Variants in ERICH3 observed in about 807,000 individuals in gnomAD.
ERICH3 encodes glutamate rich 3, also known as glutamate-rich protein 3.
Under a neutral mutation model 131.1 loss-of-function variants are expected in ERICH3, and 126 were observed. The ratio of observed to expected loss-of-function variants is 0.96; its 90% confidence interval spans 0.83 to 1.11. The LOEUF is 1.11. Ranked by LOEUF, ERICH3 falls within the 50% of genes most tolerant of loss-of-function variation. ERICH3 has a pLI of 0.00. For missense variants in ERICH3, 2,050 were observed against 1,810.7 expected (o/e 1.13, Z -2.40); for synonymous variants, 695 against 644.6 (o/e 1.08, Z -1.18).
intron 5 of ERICH3, among the ~76,000 whole-genome samples, chr1:74,639,832 A>G (rs556563032): frequency 6.6e-6 from 1 of 152,322 alleles, no homozygotes; most frequent in Admixed American, 6.5e-5. Flanking sequence ...CAAGATCTCA[A>G]AAGGATTATT....
chr1:74,652,293 C>G (rs1218149628), intron 1 of ERICH3, among the ~76,000 whole-genome samples: 4 of 152,150 alleles, frequency 2.6e-5, no homozygotes, highest in Non-Finnish European at 5.9e-5. Flanking sequence ...GACCATCTTT[C>G]TGACCATCAA....
rs12082066 is a variant in ERICH3, at chr1:74,574,371, C to A, written c.2219-880G>T. Among the ~76,000 whole-genome samples the A allele has an allele frequency of 6.8e-3, 1,036 of 152,208 alleles. 10 individuals are homozygous for A. Among genetic ancestry groups the A allele is most frequent in the African/African-American group, 0.023 (962 of 41,510 alleles). The stretch of plus-strand genomic sequence containing the variant: ...TCACATGGGCCTTTAGCAACACAAT[C>A]ATTATACAGTGTGAACTGATGATTC... On this transcript the variant is annotated intron_variant, in intron 13 of 14. Transcript: ENST00000326665.
At chr1:74,653,361 CTG>C (rs1330029028) in intron 1 of ERICH3, among the ~76,000 whole-genome samples, 1 of 151,708 alleles carries the variant, frequency 6.6e-6, no homozygotes, top group Non-Finnish European at 1.5e-5. Flanking sequence ...TAGATACACA[CTG>C]TGTGTGCACG....
intron 11 of ERICH3, among the ~76,000 whole-genome samples, chr1:74,596,510 T>C (rs1647858320): frequency 6.6e-6 from 1 of 152,080 alleles, no homozygotes; most frequent in South Asian, 2.1e-4. Flanking sequence ...CTAGCTATTT[T>C]GAAATATATA....
At chr1:74,595,107 T>G (rs1176117202) in intron 11 of ERICH3, among the ~76,000 whole-genome samples, 1 of 152,158 alleles carries the variant, frequency 6.6e-6, no homozygotes, top group Non-Finnish European at 1.5e-5. Flanking sequence ...CTGCTCTTAA[T>G]TTCTTCAAAT....
chr1:74,604,686 A>C (rs1570854877), intron 10 of ERICH3, among the ~76,000 whole-genome samples: 1 of 151,958 alleles, frequency 6.6e-6, no homozygotes, highest in African/African-American at 2.4e-5. Context: ...TAAGATGTTG[A>C]AAGAAATCTT....
rs758297618 is a variant in ERICH3 at position 74,572,123 on chromosome 1, A to G, written c.3587T>C (p.Leu1196Pro). The G allele has an allele frequency of 1.2e-6, 2 of 1,614,142 alleles. No individual in the cohort carries two copies. The highest frequency in any genetic ancestry group is 1.3e-5 in the African/African-American group (1 of 75,046). ...CAGGGCCCTATTCTCCCTGCTGGAC[A>G]GCTCTTCTCTGTCTTTGTGCTCTGT... ...RDTEHKDREE[L>P]SSRENRALKE... The change falls in exon 14 of 15, where the codon CTG becomes CCG. Residue 1196 changes from leucine (L) to proline (P), a missense_variant. Transcript: ENST00000326665.
At chr1:74,621,051 C>T (rs1009623602) in intron 7 of ERICH3, 137 bp from the exon 8 acceptor site, 1 of 684,488 alleles carries the variant, frequency 1.5e-6, no homozygotes, top group Non-Finnish European at 2.2e-6. Context: ...TGTCAATTTA[C>T]AAATGCACAA....
chr1:74,664,998 C>T (rs562992617), intron 1 of ERICH3, among the ~76,000 whole-genome samples: 1 of 152,126 alleles, frequency 6.6e-6, no homozygotes, highest in East Asian at 1.9e-4. Flanking sequence ...TCTGTATCAC[C>T]CCAAAATTCA....
Position 74,624,112 on chromosome 1 carries a change from TC to T in ERICH3, c.820-3199del, listed in dbSNP as rs528322430. 16 of 152,316 alleles carry T rather than the reference TC, an allele frequency of 1.1e-4. No individual in the cohort carries two copies. The East Asian group carries it at 3.1e-3, about 29-fold the overall frequency. The allele number at this position is 152,316 out of a possible 1,614,324, so 9.4% of individuals were successfully genotyped here. ...ACACAGACATGGAACAATTAGGCATTCCATATTCTGTCCTTTCCATATTCTG... is the reference window on the plus strand; with the variant it reads ...ACACAGACATGGAACAATTAGGCATTCATATTCTGTCCTTTCCATATTCTG... On this transcript the variant is annotated intron_variant, in intron 7 of 14. Coordinates refer to ENST00000326665, the MANE Select transcript of ERICH3 (RefSeq NM_001002912.5).
At chr1:74,665,252 C>T (rs1646679457) in intron 1 of ERICH3, among the ~76,000 whole-genome samples, 1 of 152,000 alleles carries the variant, frequency 6.6e-6, no homozygotes, top group South Asian at 2.1e-4. Context: ...AGAGCAGGCC[C>T]TCACCAGACC....
rs565596519 is a variant in ERICH3, at chr1:74,586,589, T to A, written c.2176+3042A>T. On this transcript the variant is annotated intron_variant, in intron 12 of 14. Coordinates refer to ENST00000326665, the MANE Select transcript of ERICH3 (RefSeq NM_001002912.5). ...ATCTATAACTTTTGAACAAAAATTA[T>A]ACTTATTGAAATTTATCTTAAGAAA... The A allele has an allele frequency of 1.8e-4, 128 of 714,080 alleles. 2 individuals carry two copies. The South Asian group carries it at 7.5e-3, about 42-fold the overall frequency. 44.2% of individuals were successfully genotyped at this position (714,080 alleles called of 1,614,324 possible).
chr1:74,648,426 T>C (rs1646503549), intron 2 of ERICH3, among the ~76,000 whole-genome samples: 1 of 152,154 alleles, frequency 6.6e-6, no homozygotes, highest in Non-Finnish European at 1.5e-5. Context: ...CAAGATTCTA[T>C]GGCTTATAAA....
Position 74,573,459 on chromosome 1 carries a change from C to A in ERICH3, c.2251G>T (p.Ala751Ser). 1.3e-6 allele frequency: 2 copies of A among 1,532,254 alleles called. No homozygotes were observed. The allele number at this position is 1,532,254 out of a possible 1,614,324, so 94.9% of individuals were successfully genotyped here. ...GATTCCTTGTTTGAGTTGATTGCTG[C>A]TGTTTCATCCACCATGAAATTCATT... ...PTMNFMVDETAAINSNKESQQ... is the reference protein window; with the variant it reads ...PTMNFMVDETSAINSNKESQQ... Residue 751 changes from alanine (A) to serine (S), a missense_variant, in exon 14 of 15, where the codon GCA (alanine) becomes TCA (serine). Ala to Ser is a moderately conservative substitution (Grantham distance 99). Transcript: ENST00000326665.
intron 9 of ERICH3, among the ~76,000 whole-genome samples, chr1:74,611,878 T>A (rs1648713001): frequency 6.6e-6 from 1 of 152,234 alleles, no homozygotes; most frequent in Non-Finnish European, 1.5e-5. Flanking sequence ...GTGTTCATCA[T>A]ACTGACCATC....
At chr1:74,654,252 C>T (rs1646563113) in intron 1 of ERICH3, among the ~76,000 whole-genome samples, 1 of 152,036 alleles carries the variant, frequency 6.6e-6, no homozygotes, top group African/African-American at 2.4e-5. Context: ...GCTCTTCCAG[C>T]CTCCACCTAT....
intron 13 of ERICH3, among the ~76,000 whole-genome samples, chr1:74,575,324 C>G (rs1409241582): frequency 1.3e-5 from 2 of 152,192 alleles, no homozygotes; most frequent in East Asian, 3.9e-4. Context: ...TGTGATGTCT[C>G]CTTTCAAAGG....
chr1:74,571,050 A>G, intron 14 of ERICH3, 49 bp downstream of exon 14: 15 of 1,545,874 alleles, frequency 9.7e-6, no homozygotes, highest in Non-Finnish European at 1.3e-5. Context: ...GAGGAGACCC[A>G]CCGCAGGGCT....
intron 8 of ERICH3, among the ~76,000 whole-genome samples, chr1:74,617,426 A>C (rs1649020501): frequency 6.6e-6 from 1 of 152,232 alleles, no homozygotes; most frequent in Non-Finnish European, 1.5e-5. Flanking sequence ...TCATAGTCCC[A>C]AACTAGTATC....
Sources: gnomAD v4.1 joint callset for allele counts (sites outside exome capture counted in the v4.1 genomes callset) on GRCh38, gnomAD v4.1.1 for gene constraint, MANE v1.5 for transcripts, NCBI Gene and HGNC (gene_info 2026-07-23, HGNC 2026-07-21) for gene names.